The following ASTN2 variants were observed in gnomAD, a reference collection of about 807,000 sequenced individuals.
ASTN2 encodes astrotactin-2.
A neutral mutation model predicts 139.8 loss-of-function variants in ASTN2; 54 were observed. The ratio of observed to expected loss-of-function variants is 0.39; its 90% CI spans 0.31 to 0.48. ASTN2 has a LOEUF of 0.48. Among genes scored for constraint, ASTN2 ranks in the 20% least tolerant of loss-of-function variants. ASTN2 has a pLI of 0.95. For synonymous variants in ASTN2, 756 were observed against 719.5 expected, an observed-to-expected ratio of 1.05 and a Z score of -0.81; for missense variants, 1,565 against 1,725.1, an observed-to-expected ratio of 0.91 and a Z score of 1.64.
chr9:116,470,286 T>A (rs1308881946), intron 20 of ASTN2, among the ~76,000 whole-genome samples: 1 of 152,198 alleles, frequency 6.6e-6, no homozygotes, highest in Admixed American at 6.5e-5. Flanking sequence ...AGGGAAAAGA[T>A]TCGGCGTGTT....
At chr9:117,227,403 A>G (rs1221485132) in intron 2 of ASTN2, among the ~76,000 whole-genome samples, 1 of 152,238 alleles carries the variant, frequency 6.6e-6, no homozygotes, top group Non-Finnish European at 1.5e-5. Context: ...CACCAAGAAC[A>G]GCACTTAGTG....
At chr9:117,270,493 C>G (rs1834038368) in intron 2 of ASTN2, among the ~76,000 whole-genome samples, 2 of 152,290 alleles carry the variant, frequency 1.3e-5, no homozygotes, top group East Asian at 3.9e-4. Context: ...CCTTGTGCCT[C>G]TAACATGCCA....
At chr9:117,276,672 A>G (rs1319928833) in intron 2 of ASTN2, among the ~76,000 whole-genome samples, 3 of 152,096 alleles carry the variant, frequency 2.0e-5, no homozygotes, top group African/African-American at 7.2e-5. Flanking sequence ...GCAGAATTTT[A>G]GAGGAGGAAG....
intron 19 of ASTN2, among the ~76,000 whole-genome samples, chr9:116,603,620 G>A (rs1855026870): frequency 6.6e-6 from 1 of 152,190 alleles, no homozygotes; most frequent in Non-Finnish European, 1.5e-5. Context: ...GAGGATGAAG[G>A]TTGGATTCAG....
chr9:117,180,783 C>T (rs1172040720), intron 3 of ASTN2: 2 of 1,551,932 alleles, frequency 1.3e-6, no homozygotes, highest in African/African-American at 2.7e-5. Flanking sequence ...GGATGAGCTG[C>T]TTCTCAGCCA....
At chr9:117,105,910 C>T in intron 4 of ASTN2, among the ~76,000 whole-genome samples, 1 of 152,190 alleles carries the variant, frequency 6.6e-6, no homozygotes, top group Non-Finnish European at 1.5e-5. Context: ...ATTGCTATTC[C>T]CACTTGAAAG....
intron 19 of ASTN2, among the ~76,000 whole-genome samples, chr9:116,507,132 C>G (rs1183189987): frequency 1.3e-5 from 2 of 152,154 alleles, no homozygotes; most frequent in Non-Finnish European, 2.9e-5. Flanking sequence ...TTGTGATGCT[C>G]ATTTTGAAGA....
chr9:117,087,293 G>A (rs1002543538), intron 5 of ASTN2, among the ~76,000 whole-genome samples: 4 of 151,704 alleles, frequency 2.6e-5, no homozygotes, highest in African/African-American at 9.7e-5. Flanking sequence ...TTAGTGCAGA[G>A]GTGCAATCAT....
At chr9:117,219,821 T>C (rs1053061627) in intron 2 of ASTN2, among the ~76,000 whole-genome samples, 5 of 152,152 alleles carry the variant, frequency 3.3e-5, no homozygotes, top group Non-Finnish European at 5.9e-5. Context: ...TCTCTTGTTC[T>C]ATTACTGACA....
chr9:116,926,382 C>A (rs1834756219), intron 10 of ASTN2, among the ~76,000 whole-genome samples: 1 of 152,178 alleles, frequency 6.6e-6, no homozygotes, highest in Non-Finnish European at 1.5e-5. Context: ...CTCTTTGGTG[C>A]TATATCTTCT....
At chr9:117,128,781 G>A (rs935178835) in intron 4 of ASTN2, among the ~76,000 whole-genome samples, 2 of 152,246 alleles carry the variant, frequency 1.3e-5, no homozygotes, top group African/African-American at 4.8e-5. Context: ...TGAACTTACA[G>A]TTCCAGTTGG....
intron 17 of ASTN2, among the ~76,000 whole-genome samples, chr9:116,634,589 C>CA (rs57882262): frequency 0.01 from 1,041 of 104,094 alleles, 67 homozygotes; most frequent in African/African-American, 0.017. Context: ...GACTCCGTCT[C>CA]AAAAAAAAAA....
chr9:116,636,429 C>A (rs930789527), intron 17 of ASTN2, among the ~76,000 whole-genome samples: 1 of 152,190 alleles, frequency 6.6e-6, no homozygotes, highest in Non-Finnish European at 1.5e-5. Context: ...AATCCCAGCA[C>A]TTTGAGAGGC....
intron 3 of ASTN2, among the ~76,000 whole-genome samples, chr9:117,209,757 C>G (rs1380428891): frequency 6.6e-6 from 1 of 152,124 alleles, no homozygotes; most frequent in Non-Finnish European, 1.5e-5. Flanking sequence ...GGGCAAGATT[C>G]TTTTCATCAG....
intron 7 of ASTN2, among the ~76,000 whole-genome samples, chr9:116,993,189 T>C (rs143438363): frequency 9.2e-4 from 140 of 152,326 alleles, no homozygotes; most frequent in Non-Finnish European, 1.7e-3. Flanking sequence ...TCTGGCCCTC[T>C]GAACGCTCTG....
intron 10 of ASTN2, among the ~76,000 whole-genome samples, chr9:116,926,841 T>A (rs1253375157): frequency 6.6e-6 from 1 of 152,218 alleles, no homozygotes; most frequent in Non-Finnish European, 1.5e-5. Context: ...TTAATCACTT[T>A]ATCAGAAAAT....
chr9:116,693,300 A>G (rs1221439769), intron 16 of ASTN2, among the ~76,000 whole-genome samples: 1 of 152,266 alleles, frequency 6.6e-6, no homozygotes, highest in Non-Finnish European at 1.5e-5. Context: ...AACTTGTGAC[A>G]GTGCTAAGAT....
chr9:117,194,966 T>C (rs1831455475), intron 3 of ASTN2, among the ~76,000 whole-genome samples: 1 of 152,134 alleles, frequency 6.6e-6, no homozygotes, highest in Non-Finnish European at 1.5e-5. Context: ...ATTCATTCAT[T>C]CATTCATTCA....
chr9:117,414,142 C>A lies in ASTN2; in HGVS notation c.442+355G>T, dbSNP rs1353570619. The stretch of plus-strand genomic sequence containing the variant: ...GAGAAGTGGGAGGCTCGACCTGAAA[C>A]TGGCTTAGGATCTGGGATGCTCCGG... On this transcript the variant is annotated intron_variant, in intron 1 of 22. Coordinates refer to ENST00000313400, the MANE Select transcript of ASTN2 (RefSeq NM_001365068.1). This position sits in a 1 kb window ranked among gnomAD's most constrained non-coding sequence, Gnocchi z 4.2. 6.6e-6 allele frequency among the ~76,000 whole-genome samples: 1 copy of A among 152,098 alleles called. No individual in the cohort carries two copies. The highest frequency in any genetic ancestry group is 1.9e-4 in the East Asian group (1 of 5,136).
Sources: gnomAD v4.1 joint callset for allele counts (sites outside exome capture counted in the v4.1 genomes callset) on GRCh38, gnomAD v4.1.1 for gene constraint, Gnocchi (gnomAD v3.1) non-coding constraint, MANE v1.5 for transcripts, NCBI Gene and HGNC (gene_info 2026-07-23, HGNC 2026-07-21) for gene names.